The following GRIA3 variants were observed in gnomAD, a reference collection of about 807,000 sequenced individuals.
GRIA3 encodes the protein glutamate ionotropic receptor AMPA type subunit 3.
In GRIA3, 3 loss-of-function variants were observed where a neutral mutation model predicts 63.0. The ratio of observed to expected loss-of-function variants is 0.05; its 90% CI spans 0.02 to 0.12. The LOEUF is 0.12. Among genes scored for constraint, GRIA3 ranks in the 10% least tolerant of loss-of-function variants. The pLI is 1.00. For synonymous variants in GRIA3, 274 were observed against 257.9 expected (o/e 1.06, Z -0.60); for missense variants, 347 against 700.9 (o/e 0.50, Z 5.70).
chrX:123,207,674 T>C (rs1337593552), intron 2 of GRIA3, among the ~76,000 whole-genome samples: 1 of 111,967 alleles, frequency 8.9e-6, no homozygotes, highest in African/African-American at 3.2e-5. Flanking sequence ...GCATGTACTA[T>C]TTGCATGTGT....
chrX:123,207,572 T>C (rs762597700), intron 2 of GRIA3, among the ~76,000 whole-genome samples: 29 of 112,264 alleles, frequency 2.6e-4, no homozygotes, highest in African/African-American at 8.4e-4. Context: ...AGCTACTGTT[T>C]CCTTTCAGAT....
Position 123,464,933 on chromosome X carries a change from C to G in GRIA3, c.2145C>G (p.Thr715=), listed in dbSNP as rs1268093246. ...AATCAGCGGAGCCATCTGTGTTTAC[C>G]AAAACAACAGCAGACGGAGTGGCCC... ...YMKSAEPSVF[T]KTTADGVARV... The change falls in exon 13 of 16, where the codon ACC becomes ACG. Residue 715 remains threonine, a synonymous_variant. Transcript: ENST00000620443. 1.2e-5 allele frequency: 14 copies of G among 1,209,142 alleles called. No individual in the cohort carries two copies. Among genetic ancestry groups the G allele is most frequent in the African/African-American group, 1.7e-5 (1 of 57,626 alleles).
At chrX:123,266,680 C>T (rs181464739) in intron 3 of GRIA3, among the ~76,000 whole-genome samples, 39 of 111,329 alleles carry the variant, frequency 3.5e-4, no homozygotes, top group African/African-American at 1.2e-3. Flanking sequence ...GCACACAAGG[C>T]CCTTCATGAT....
At chrX:123,476,664 C>T (rs1051194262) in intron 13 of GRIA3, among the ~76,000 whole-genome samples, 8 of 111,306 alleles carry the variant, frequency 7.2e-5, no homozygotes, top group Non-Finnish European at 1.5e-4. Context: ...TTTTCTCCCT[C>T]ATTTTTATTT....
intron 10 of GRIA3, among the ~76,000 whole-genome samples, chrX:123,417,114 A>G (rs2045540690): frequency 8.9e-6 from 1 of 112,338 alleles, no homozygotes; most frequent in Non-Finnish European, 1.9e-5. Context: ...TTGTATTATA[A>G]GGTAGCAAAA....
chrX:123,468,539 C>T (rs1411015840), intron 13 of GRIA3, among the ~76,000 whole-genome samples: 1 of 112,273 alleles, frequency 8.9e-6, no homozygotes, highest in Non-Finnish European at 1.9e-5. Flanking sequence ...TAATCATATT[C>T]GTTACATATC....
At chrX:123,214,700 C>T (rs1229974702) in intron 2 of GRIA3, among the ~76,000 whole-genome samples, 2 of 112,006 alleles carry the variant, frequency 1.8e-5, no homozygotes, top group Non-Finnish European at 3.8e-5. Context: ...GCACATGAAC[C>T]TATTAAGGAC....
chrX:123,307,653 T>C (rs1317946867), intron 3 of GRIA3, among the ~76,000 whole-genome samples: 1 of 111,707 alleles, frequency 9.0e-6, no homozygotes, highest in Non-Finnish European at 1.9e-5. Flanking sequence ...CCCAGGCAGA[T>C]AGGACTGATG....
At chrX:123,229,200 G>T (rs1489102717) in intron 2 of GRIA3, among the ~76,000 whole-genome samples, 3 of 111,208 alleles carry the variant, frequency 2.7e-5, no homozygotes, top group Non-Finnish European at 5.7e-5. Flanking sequence ...AGGGTGCATT[G>T]CAGGTCTACA....
intron 5 of GRIA3, among the ~76,000 whole-genome samples, chrX:123,371,821 T>C (rs1014199643): frequency 1.8e-5 from 2 of 111,711 alleles, no homozygotes; most frequent in African/African-American, 6.5e-5. Flanking sequence ...TCCCATTCTG[T>C]GGGTTGTTTC....
intron 13 of GRIA3, among the ~76,000 whole-genome samples, chrX:123,478,124 G>T (rs1302765959): frequency 9.0e-6 from 1 of 111,671 alleles, no homozygotes; most frequent in Non-Finnish European, 1.9e-5. Flanking sequence ...CATTGCAGGA[G>T]AAGTGGTAGT....
intron 2 of GRIA3, chrX:123,204,741 T>C (rs755803892): frequency 1.5e-6 from 1 of 688,176 alleles, no homozygotes; most frequent in East Asian, 5.2e-5. Flanking sequence ...TGGAAATAGA[T>C]ATGATAAAGA....
chrX:123,403,827 G>A (rs922070125), intron 9 of GRIA3, among the ~76,000 whole-genome samples: 2 of 111,412 alleles, frequency 1.8e-5, no homozygotes, highest in Non-Finnish European at 3.8e-5. Context: ...TCTTCATTGT[G>A]GGGGAAGCAG....
chrX:123,246,795 TATC>T (rs765664939), intron 2 of GRIA3, among the ~76,000 whole-genome samples: 6 of 108,142 alleles, frequency 5.5e-5, no homozygotes, highest in Non-Finnish European at 1.9e-5. Flanking sequence ...CATCATCATT[TATC>T]ATCAACATCA....
chrX:123,437,977 GTTTT>G (rs1306908067), intron 12 of GRIA3, among the ~76,000 whole-genome samples: 1 of 111,701 alleles, frequency 9.0e-6, no homozygotes, highest in Non-Finnish European at 1.9e-5. Flanking sequence ...CACATTATTA[GTTTT>G]TTTAAGTTGT....
chrX:123,250,847 C>T (rs528163110), intron 2 of GRIA3, among the ~76,000 whole-genome samples: 1 of 112,051 alleles, frequency 8.9e-6, no homozygotes, highest in Admixed American at 9.4e-5. Flanking sequence ...AAATTATTTA[C>T]CTGAAATTCA....
chrX:123,199,963 A>T (rs1360492916), intron 2 of GRIA3, among the ~76,000 whole-genome samples: 1 of 111,682 alleles, frequency 9.0e-6, no homozygotes, highest in East Asian at 2.8e-4. Context: ...AAGAACAAGA[A>T]AGGAAAAGAG....
chrX:123,339,166 T>G (rs1295083233), intron 4 of GRIA3, among the ~76,000 whole-genome samples: 1 of 112,120 alleles, frequency 8.9e-6, no homozygotes, highest in Non-Finnish European at 1.9e-5. Context: ...CAGACTAGGT[T>G]CTTTGTAGAA....
intron 2 of GRIA3, chrX:123,202,867 G>A (rs1927784176): frequency 2.2e-6 from 2 of 923,799 alleles, no homozygotes; most frequent in South Asian, 4.9e-5. Flanking sequence ...CCGCAAAGAA[G>A]ATCTCCCCAC....
Sources: allele counts gnomAD v4.1 joint callset (sites outside exome capture counted in the v4.1 genomes callset), GRCh38; gene constraint gnomAD v4.1.1; transcripts MANE v1.5; gene names NCBI Gene and HGNC (gene_info 2026-07-23, HGNC 2026-07-21).